Variants in CELF2 observed in about 807,000 individuals in gnomAD.
The protein encoded by CELF2 is CUGBP Elav-like family member 2, also known as CUG triplet repeat RNA-binding protein 2.
Under a neutral mutation model 62.6 loss-of-function variants are expected in CELF2, and 8 were observed. The ratio of observed to expected loss-of-function variants is 0.13; its 90% CI spans 0.07 to 0.23. The LOEUF is 0.23. CELF2 is among the 10% of genes least tolerant of loss of function. CELF2 has a pLI of 1.00. For missense variants in CELF2, 333 were observed against 671.0 expected (o/e 0.50, Z 5.56); for synonymous variants, 258 against 250.0 (o/e 1.03, Z -0.30).
intron 1 of CELF2, among the ~76,000 whole-genome samples, chr10:11,122,728 T>A (rs115073819): frequency 6.6e-6 from 1 of 152,370 alleles, no homozygotes; most frequent in African/African-American, 2.4e-5. Flanking sequence ...CTTTAAAGTT[T>A]TATTGATGCA....
At chr10:10,855,360 C>A (rs1184270037) in intron 1 of CELF2, among the ~76,000 whole-genome samples, 1 of 152,186 alleles carries the variant, frequency 6.6e-6, no homozygotes. Flanking sequence ...GGGCTTCCTG[C>A]AGCTGACATG....
chr10:10,910,476 T>C (rs2063710256), intron 1 of CELF2, among the ~76,000 whole-genome samples: 1 of 151,726 alleles, frequency 6.6e-6, no homozygotes. Context: ...GGGCAGATCA[T>C]TTGAGTTCAT....
the CELF2 span, among the ~76,000 whole-genome samples, chr10:10,466,329 T>A: frequency 6.6e-6 from 1 of 152,192 alleles, no homozygotes; most frequent in Non-Finnish European, 1.5e-5. Flanking sequence ...ATTTTGTGTC[T>A]GGCTTTTTCA....
the CELF2 span, among the ~76,000 whole-genome samples, chr10:10,488,799 A>T: frequency 4.3e-4 from 65 of 152,282 alleles, no homozygotes; most frequent in African/African-American, 1.5e-3. Context: ...AAACTGAAGT[A>T]CATTCATTAT....
intron 3 of CELF2, among the ~76,000 whole-genome samples, chr10:11,240,592 T>C (rs961234206): frequency 1.3e-5 from 2 of 149,222 alleles, no homozygotes; most frequent in East Asian, 4.1e-4. Context: ...TACACTTCCC[T>C]GGCCTGACTC....
chr10:10,653,801 A>T, the CELF2 span, among the ~76,000 whole-genome samples: 2 of 147,948 alleles, frequency 1.4e-5, no homozygotes. Context: ...CATCACAATT[A>T]AAAGAACTGG....
At chr10:10,853,990 T>G (rs939123437) in intron 1 of CELF2, among the ~76,000 whole-genome samples, 2 of 152,220 alleles carry the variant, frequency 1.3e-5, no homozygotes, top group African/African-American at 4.8e-5. Context: ...ACCTTCTTTG[T>G]GTAGTTTCTG....
At chr10:10,697,752 G>T in the CELF2 span, among the ~76,000 whole-genome samples, 1 of 151,978 alleles carries the variant, frequency 6.6e-6, no homozygotes, top group Non-Finnish European at 1.5e-5. Context: ...CCCAAAGGCC[G>T]CACCCCCCCA....
rs924896038 is a variant in CELF2 at position 11,079,747 on chromosome 10, C to CG, written c.74+61584_74+61585insG. On this transcript the variant is annotated intron_variant, in intron 1 of 12. Coordinates refer to ENST00000633077, the MANE Select transcript of CELF2 (RefSeq NM_001326342.2). ...GTGAGAATGGACTAATACAGCCCCC[C>CG]CCCCCTTTTTAGGCCATGGAATCTA... Among the ~76,000 whole-genome samples, 42 of 132,504 alleles carry CG rather than the reference C, an allele frequency of 3.2e-4. 3 individuals are homozygous for CG. Among genetic ancestry groups the CG allele is most frequent in the African/African-American group, 1.1e-3 (38 of 34,932 alleles). The allele number at this position is 132,504 out of a possible 152,430, so 86.9% of individuals were successfully genotyped here.
At chr10:10,832,273 A>AATAAAAT (rs35304124) in intron 1 of CELF2, among the ~76,000 whole-genome samples, 70,872 of 150,960 alleles carry the variant, frequency 0.47, 17,226 homozygotes, top group African/African-American at 0.6. Context: ...ATCTAAAAAA[A>AATAAAAT]AAAAATAAAA....
intron 4 of CELF2, among the ~76,000 whole-genome samples, chr10:11,249,728 TTAAA>T (rs2076593303): frequency 6.6e-6 from 1 of 152,234 alleles, no homozygotes; most frequent in South Asian, 2.1e-4. Flanking sequence ...AGTCTGCTGA[TTAAA>T]TAAGCGTACA....
the CELF2 span, among the ~76,000 whole-genome samples, chr10:10,740,690 T>A: frequency 6.6e-6 from 1 of 152,230 alleles, no homozygotes; most frequent in African/African-American, 2.4e-5. Flanking sequence ...CATTGTTGAA[T>A]AAATGGATAA....
chr10:11,284,292 TC>T (rs756230001), intron 8 of CELF2, among the ~76,000 whole-genome samples: 41 of 496 alleles, frequency 0.083, 17 homozygotes, highest in Non-Finnish European at 0.12. Context: ...TGGATGAGTG[TC>T]GTGGTGGGTG....
chr10:11,275,190 A>C, intron 8 of CELF2, 70 bp downstream of exon 8: 1 of 1,432,794 alleles, frequency 7.0e-7, no homozygotes, highest in Non-Finnish European at 9.8e-7. Context: ...TCCGAGGGCA[A>C]AGACAAGAAG....
chr10:10,754,565 G>C, the CELF2 span, among the ~76,000 whole-genome samples: 1 of 152,156 alleles, frequency 6.6e-6, no homozygotes, highest in Admixed American at 6.5e-5. Context: ...AGTGAACTCT[G>C]CTGTCTTAGA....
intron 7 of CELF2, among the ~76,000 whole-genome samples, chr10:11,272,715 C>G (rs912912534): frequency 6.6e-6 from 1 of 152,226 alleles, no homozygotes; most frequent in African/African-American, 2.4e-5. Flanking sequence ...TTGTCCTACT[C>G]CCTTTCAGCT....
chr10:10,845,782 T>C (rs1359221875), intron 1 of CELF2, among the ~76,000 whole-genome samples: 1 of 152,172 alleles, frequency 6.6e-6, no homozygotes, highest in Admixed American at 6.6e-5. Flanking sequence ...TTTCATGTGA[T>C]GGCAGGTTTG....
chr10:10,627,689 C>T, the CELF2 span, among the ~76,000 whole-genome samples: 1 of 152,176 alleles, frequency 6.6e-6, no homozygotes, highest in African/African-American at 2.4e-5. Flanking sequence ...CAACTTAAGA[C>T]ACCACCTTGA....
the CELF2 span, among the ~76,000 whole-genome samples, chr10:10,553,481 G>C: frequency 4.6e-5 from 7 of 152,100 alleles, no homozygotes; most frequent in South Asian, 4.2e-4. Context: ...ATTGCACGGG[G>C]AGTTAGGGTT....
Sources: gnomAD v4.1 joint callset for allele counts (sites outside exome capture counted in the v4.1 genomes callset) on GRCh38, gnomAD v4.1.1 for gene constraint, MANE v1.5 for transcripts, NCBI Gene and HGNC (gene_info 2026-07-23, HGNC 2026-07-21) for gene names.